The following TBC1D31 variants were observed in gnomAD, a reference collection of about 807,000 sequenced individuals.
TBC1D31 encodes the protein TBC1 domain family member 31.
Under a neutral mutation model 132.9 loss-of-function variants are expected in TBC1D31, and 99 were observed. The ratio of observed to expected loss-of-function variants is 0.74; its 90% confidence interval spans 0.63 to 0.88. The LOEUF is 0.88. Ranked by LOEUF, TBC1D31 falls within the 40% of genes least tolerant of loss-of-function variation. The probability of loss-of-function intolerance (pLI) is 0.00; values close to 1 mark genes in which losing one functional copy is unlikely to be tolerated. For missense variants in TBC1D31, 1,134 were observed against 1,256.6 expected, an observed-to-expected ratio of 0.90 and a Z score of 1.48; for synonymous variants, 385 against 419.4, an observed-to-expected ratio of 0.92 and a Z score of 1.00.
intron 4 of TBC1D31, among the ~76,000 whole-genome samples, chr8:123,089,369 G>A (rs1816111809): frequency 6.6e-6 from 1 of 152,166 alleles, no homozygotes; most frequent in Non-Finnish European, 1.5e-5. Flanking sequence ...AATTGCATCT[G>A]TTGCAATTTT....
chr8:123,101,826 A>G (rs1209390429), intron 7 of TBC1D31, among the ~76,000 whole-genome samples: 2 of 152,192 alleles, frequency 1.3e-5, no homozygotes, highest in African/African-American at 2.4e-5. Context: ...ATTTAAAGAA[A>G]TATCTTAAAC....
chr8:123,163,349 C>T, the TBC1D31 span, among the ~76,000 whole-genome samples: 1 of 136,860 alleles, frequency 7.3e-6, no homozygotes, highest in Non-Finnish European at 1.6e-5. Context: ...GTAACACAAA[C>T]TTTATCACTT....
At position 123,117,748 on chromosome 8, in the gene TBC1D31, G is replaced by A. The variant is rs867896290; in HGVS notation, c.1437-2307G>A. Among the ~76,000 whole-genome samples, 18 of 77,762 alleles carry A rather than the reference G, an allele frequency of 2.3e-4. No individual in the cohort carries two copies. In the South Asian group the frequency reaches 7.5e-3, roughly 32 times the overall value. 51.0% of individuals were successfully genotyped at this position (77,762 alleles called of 152,430 possible). A position where few individuals can be genotyped will look rare whatever the true frequency, so the allele number is the denominator to read the frequency against. Reference sequence around the variant, plus strand: ...AGCCTGGGCGACAGAGCGAAACTCCGTCTCAAAAAAAAAAAAAAAAAAAAA... The same window carrying A: ...AGCCTGGGCGACAGAGCGAAACTCCATCTCAAAAAAAAAAAAAAAAAAAAA... On this transcript the variant is annotated intron_variant, in intron 10 of 21. Coordinates refer to ENST00000287380, the MANE Select transcript of TBC1D31 (RefSeq NM_145647.4).
chr8:123,151,630 A>G (rs1822777709), intron 21 of TBC1D31, among the ~76,000 whole-genome samples, 176 bp from the exon 22 acceptor site: 1 of 152,224 alleles, frequency 6.6e-6, no homozygotes, highest in Non-Finnish European at 1.5e-5. Flanking sequence ...CAGTCCAACA[A>G]ATAATTATTT....
the TBC1D31 span, among the ~76,000 whole-genome samples, chr8:123,160,999 G>A: frequency 6.6e-6 from 1 of 152,166 alleles, no homozygotes; most frequent in Non-Finnish European, 1.5e-5. Flanking sequence ...TCCGGAACGA[G>A]GGTGGTCAGG....
In TBC1D31 at chr8:123,094,507, CTTTATTTATTTATTTA is replaced by C. The variant is rs368810398; in HGVS notation, c.671+797_671+812del. Among the ~76,000 whole-genome samples the C allele has an allele frequency of 1.2e-3, 178 of 148,306 alleles. No individual in the cohort carries two copies. In the East Asian group the frequency reaches 0.014, roughly 11 times the overall value. On this transcript the variant is annotated intron_variant, in intron 5 of 21. Transcript: ENST00000287380. The stretch of plus-strand genomic sequence containing the variant: ...GAAATATAACCATAGTATTATCACA[CTTTATTTATTTATTTA>C]TTTATTTATTTATTTATTTATTTAT...
At chr8:123,142,744 G>A (rs564646450) in intron 19 of TBC1D31, among the ~76,000 whole-genome samples, 7 of 152,264 alleles carry the variant, frequency 4.6e-5, no homozygotes, top group Non-Finnish European at 8.8e-5. Flanking sequence ...CAGAGACGTC[G>A]TCTAATATTG....
At chr8:123,141,045 C>T (rs1821612376) in intron 18 of TBC1D31, 144 bp downstream of exon 18, 1 of 735,060 alleles carries the variant, frequency 1.4e-6, no homozygotes, top group African/African-American at 1.8e-5. Context: ...TAGAATCTCA[C>T]ATTGCTTCCT....
At chr8:123,121,921 G>T (rs896438474) in intron 11 of TBC1D31, among the ~76,000 whole-genome samples, 1 of 152,136 alleles carries the variant, frequency 6.6e-6, no homozygotes, top group African/African-American at 2.4e-5. Context: ...GTATACAAAT[G>T]ACCATCAAGC....
chr8:123,108,137 A>G (rs1249460563), intron 8 of TBC1D31, among the ~76,000 whole-genome samples: 3 of 152,160 alleles, frequency 2.0e-5, no homozygotes, highest in African/African-American at 4.8e-5. Context: ...TTCTTGTAAA[A>G]AGAGCACTAA....
At chr8:123,090,389 T>C (rs1446619937) in intron 4 of TBC1D31, among the ~76,000 whole-genome samples, 5 of 152,182 alleles carry the variant, frequency 3.3e-5, no homozygotes, top group African/African-American at 1.2e-4. Flanking sequence ...ACATTTTTAT[T>C]CTTTTGTTGA....
intron 10 of TBC1D31, among the ~76,000 whole-genome samples, chr8:123,115,712 A>G (rs539812481): frequency 3.9e-5 from 6 of 152,278 alleles, no homozygotes; most frequent in South Asian, 4.1e-4. Context: ...TTCATGACTC[A>G]GACCCACCTT....
chr8:123,151,722 A>G (rs1246567637), intron 21 of TBC1D31, 84 bp from the exon 22 acceptor site: 5 of 1,331,028 alleles, frequency 3.8e-6, no homozygotes, highest in Non-Finnish European at 5.0e-6. Context: ...TGTTTTTACA[A>G]CACATTTATC....
intron 4 of TBC1D31, among the ~76,000 whole-genome samples, chr8:123,089,386 A>T (rs1816112947): frequency 6.6e-6 from 1 of 152,208 alleles, no homozygotes; most frequent in African/African-American, 2.4e-5. Flanking sequence ...TTTTACCATC[A>T]AGCCTATGAT....
At position 123,128,424 on chromosome 8, in the gene TBC1D31, A is replaced by G; in HGVS notation, c.2028A>G (p.Val676=). 6.2e-7 allele frequency: 1 copy of G among 1,613,972 alleles called. No homozygotes were observed. The highest frequency in any genetic ancestry group is 1.1e-5 in the South Asian group (1 of 91,080). The change falls in exon 14 of 22, where the codon GTA becomes GTG. Residue 676 remains valine (V), a synonymous_variant. Transcript: ENST00000287380. The part of the protein sequence containing the change: ...FVALTKGQYP[V]FNQYPKFIVD... ...CACTGACAAAAGGGCAGTATCCAGT[A>G]TTTAATCAATATCCAAAGTTTATTG...
downstream of TBC1D31, among the ~76,000 whole-genome samples, chr8:123,152,992 C>G (rs554464734): frequency 6.6e-6 from 1 of 152,262 alleles, no homozygotes; most frequent in Admixed American, 6.5e-5. Flanking sequence ...TATGGTTTAT[C>G]AAATATTTTC....
downstream of TBC1D31, among the ~76,000 whole-genome samples, chr8:123,156,021 CAG>C (rs1351118405): frequency 1.3e-5 from 2 of 152,310 alleles, no homozygotes; most frequent in East Asian, 1.9e-4. Context: ...TGAAAAATGG[CAG>C]ACTCTCCTCG....
intron 20 of TBC1D31, 31 bp downstream of exon 20, chr8:123,144,886 A>T (rs1177704397): frequency 1.3e-6 from 2 of 1,571,130 alleles, no homozygotes; most frequent in East Asian, 4.5e-5. Context: ...TCTCTCCATG[A>T]TGTTACAGAT....
chr8:123,146,006 G>A (rs953415707), intron 20 of TBC1D31, among the ~76,000 whole-genome samples: 2 of 151,750 alleles, frequency 1.3e-5, no homozygotes, highest in Non-Finnish European at 2.9e-5. Context: ...GAGTAGCTGG[G>A]ATTACAGGCC....
Sources: allele counts gnomAD v4.1 joint callset (sites outside exome capture counted in the v4.1 genomes callset), GRCh38; gene constraint gnomAD v4.1.1; transcripts MANE v1.5; gene names NCBI Gene and HGNC (gene_info 2026-07-23, HGNC 2026-07-21).